Variants in RBM14 observed in about 807,000 individuals in gnomAD.
The protein encoded by RBM14 is RNA-binding protein 14.
In RBM14, 5 loss-of-function variants were observed where a neutral mutation model predicts 52.8. That is an observed-to-expected ratio of 0.09 (90% CI 0.05 to 0.20). The LOEUF is 0.20. RBM14 is among the 10% of genes least tolerant of loss of function. The pLI, the probability that RBM14 is intolerant of heterozygous loss-of-function variation, is 1.00. For synonymous variants in RBM14, 411 were observed against 401.8 expected, an observed-to-expected ratio of 1.02 and a Z score of -0.28; for missense variants, 780 against 926.6, an observed-to-expected ratio of 0.84 and a Z score of 2.05.
chr11:66,621,338 G>C (rs1269533849), intron 1 of RBM14, among the ~76,000 whole-genome samples: 1 of 152,084 alleles, frequency 6.6e-6, no homozygotes, highest in Admixed American at 6.6e-5. Context: ...TAAGGCTCTG[G>C]CCATGGGAGT....
Position 66,629,437 on chromosome 11 carries a change from G to C in RBM14, c.*2769G>C, listed in dbSNP as rs1247562385. Among the ~76,000 whole-genome samples the C allele has an allele frequency of 6.6e-6, 1 of 152,144 alleles. No individual in the cohort carries two copies. Among genetic ancestry groups the C allele is most frequent in the Non-Finnish European group, 1.5e-5 (1 of 68,036 alleles). ...GGGCTTGAGACTCTCTTGTAATGGA[G>C]GTAATGGGACTATCACTGAGGGGTT... On this transcript the variant is annotated 3_prime_UTR_variant, in exon 3 of 3. Transcript: ENST00000310137.
At chr11:66,618,153 A>T (rs1858931133) in intron 1 of RBM14, among the ~76,000 whole-genome samples, 1 of 152,218 alleles carries the variant, frequency 6.6e-6, no homozygotes, top group African/African-American at 2.4e-5. Flanking sequence ...TTGGTGGGAC[A>T]GCCGTTGTGT....
At position 66,624,587 on chromosome 11, in the gene RBM14, C is replaced by T. The variant is rs1187667422; in HGVS notation, c.711C>T (p.Tyr237=). The change falls in exon 2 of 3, where the codon TAC becomes TAT. Residue 237 remains tyrosine, a synonymous_variant. Transcript: ENST00000310137. The surrounding 1 kb of genome is among the most constrained non-coding windows in gnomAD (Gnocchi z 4.7). ...VAPLTAQPAT[Y]RAQPSVSLGA... ...CTCTGACGGCCCAGCCAGCTACCTA[C>T]CGGGCCCAGCCGTCCGTGTCACTGG... The T allele has an allele frequency of 6.2e-7, 1 of 1,612,024 alleles. No individual in the cohort carries two copies. Among genetic ancestry groups the T allele is most frequent in the Non-Finnish European group, 8.5e-7 (1 of 1,180,010 alleles).
At chr11:66,619,485 A>G (rs1212970737) in intron 1 of RBM14, 1 of 152,218 alleles carries the variant, frequency 6.6e-6, no homozygotes, top group African/African-American at 2.4e-5. Flanking sequence ...AAAAGAGGAA[A>G]ATATCTTCTC....
In RBM14 at chr11:66,626,787, C is replaced by G. The variant is rs1222135508; in HGVS notation, c.*119C>G. 3 of 1,024,914 alleles carry G rather than the reference C, an allele frequency of 2.9e-6. No homozygotes were observed. Among genetic ancestry groups the G allele is most frequent in the Non-Finnish European group, 4.2e-6 (3 of 721,230 alleles). 63.5% of individuals were successfully genotyped at this position (1,024,914 alleles called of 1,614,324 possible). A position where few individuals can be genotyped will look rare whatever the true frequency, so the allele number is the denominator to read the frequency against. ...TCCTGGTTGTGGTTTTTCATGCCCT[C>G]TACCATGTGGGCCTTCCCCAGGAGA... On this transcript the variant is annotated 3_prime_UTR_variant, in exon 3 of 3. Coordinates refer to ENST00000310137, the MANE Select transcript of RBM14 (RefSeq NM_006328.4).
At chr11:66,618,782 C>T (rs1391943915) in intron 1 of RBM14, among the ~76,000 whole-genome samples, 1 of 152,172 alleles carries the variant, frequency 6.6e-6, no homozygotes, top group Non-Finnish European at 1.5e-5. Flanking sequence ...GGAACTCAGG[C>T]TTCTTGCTGG....
chr11:66,616,831 C>T lies in RBM14; in HGVS notation c.111C>T (p.Phe37=), dbSNP rs753477740. The T allele has an allele frequency of 3.8e-5, 61 of 1,612,540 alleles. No individual in the cohort carries two copies. Among genetic ancestry groups the T allele is most frequent in the Non-Finnish European group, 4.9e-5 (58 of 1,179,740 alleles). ...TVMSCAVMKQ[F]AFVHMRENAG... is the part of the protein sequence containing the mutation. Reference sequence around the variant, plus strand: ...TGAGCTGCGCCGTCATGAAACAGTTCGCCTTCGTGCACATGCGCGAGAACG... The same window carrying T: ...TGAGCTGCGCCGTCATGAAACAGTTTGCCTTCGTGCACATGCGCGAGAACG... Residue 37 remains phenylalanine, a synonymous_variant, in exon 1 of 3, where the codon TTC becomes TTT. Coordinates refer to ENST00000310137, the MANE Select transcript of RBM14 (RefSeq NM_006328.4).
rs745594135 is a variant in RBM14 at position 66,625,219 on chromosome 11, C to T, written c.1343C>T (p.Ala448Val). The change falls in exon 2 of 3, where the codon GCC (alanine) becomes GTC (valine). Residue 448 changes from alanine (A) to valine (V), a missense_variant. Coordinates refer to ENST00000310137, the MANE Select transcript of RBM14 (RefSeq NM_006328.4). The surrounding 1 kb of genome is among the most constrained non-coding windows in gnomAD (Gnocchi z 4.2). ...GCTGCCTATGCCAGCCAGCCAGCAG[C>T]CTACGCCGCACAAGCCACTACCCCA... is the stretch of plus-strand genomic sequence containing the variant. ...TAAAYASQPA[A>V]YAAQATTPMA... 6.2e-7 allele frequency: 1 copy of T among 1,611,558 alleles called. No individual in the cohort carries two copies. The highest frequency in any genetic ancestry group is 1.1e-5 in the South Asian group (1 of 91,072).
chr11:66,617,631 C>A, intron 1 of RBM14: 1 of 934,204 alleles, frequency 1.1e-6, no homozygotes, highest in Non-Finnish European at 1.3e-6. Flanking sequence ...CACAGTTACA[C>A]GTGGGTACGA....
rs1374425806 is a variant in RBM14, at chr11:66,625,404, G to A, written c.1528G>A (p.Ala510Thr). The A allele has an allele frequency of 6.2e-7, 1 of 1,613,532 alleles. No individual in the cohort carries two copies. The highest frequency in any genetic ancestry group is 1.7e-5 in the Admixed American group (1 of 60,012). ...AAAAYGAQPSATLAAPYRTQS... is the reference protein window; with the variant it reads ...AAAAYGAQPSTTLAAPYRTQS... ...AGCAGCCTACGGGGCCCAACCTTCT[G>A]CCACCCTGGCAGCTCCTTACCGCAC... The change falls in exon 2 of 3, where the codon GCC becomes ACC. Residue 510 changes from alanine (A) to threonine (T), a missense_variant. Coordinates refer to ENST00000310137, the MANE Select transcript of RBM14 (RefSeq NM_006328.4). This position sits in a 1 kb window ranked among gnomAD's most constrained non-coding sequence, Gnocchi z 4.2.
Position 66,626,520 on chromosome 11 carries a change from A to T in RBM14, c.1862A>T (p.Gln621Leu). 1.2e-6 allele frequency: 2 copies of T among 1,613,984 alleles called. No individual in the cohort carries two copies. The highest frequency in any genetic ancestry group is 1.7e-6 in the Non-Finnish European group (2 of 1,180,030). Reference protein sequence around the residue: ...LSDYRRLSESQLSFRRSPTKS... With the variant: ...LSDYRRLSESLLSFRRSPTKS... Reference sequence around the variant, plus strand: ...GATTACCGCCGTTTATCAGAGTCGCAGCTTTCGTTCCGCCGCTCGCCGACA... The same window carrying T: ...GATTACCGCCGTTTATCAGAGTCGCTGCTTTCGTTCCGCCGCTCGCCGACA... The change falls in exon 3 of 3, where the codon CAG becomes CTG. Residue 621 changes from glutamine (Q) to leucine (L), a missense_variant. Physicochemically the swap from Gln to Leu is moderately radical, Grantham distance 113. Coordinates refer to ENST00000310137, the MANE Select transcript of RBM14 (RefSeq NM_006328.4).
intron 1 of RBM14, among the ~76,000 whole-genome samples, chr11:66,618,181 T>G (rs1447962333): frequency 6.6e-6 from 1 of 152,202 alleles, no homozygotes; most frequent in Non-Finnish European, 1.5e-5. Context: ...CAGTCTCTGC[T>G]CCACTTGGGA....
Position 66,624,090 on chromosome 11 carries a change from G to T in RBM14, c.338-124G>T. The T allele has an allele frequency of 6.7e-7, 1 of 1,481,566 alleles. No individual in the cohort carries two copies. Among genetic ancestry groups the T allele is most frequent in the East Asian group, 2.3e-5 (1 of 43,562 alleles). The allele number at this position is 1,481,566 out of a possible 1,614,324, so 91.8% of individuals were successfully genotyped here. ...CATTTTATGACATACTCCTGGAGAG[G>T]AGGGTTTGGAGGCCTTGGAGGTAGC... On this transcript the variant is annotated intron_variant, in intron 1 of 2. Transcript: ENST00000310137. The surrounding 1 kb of genome is among the most constrained non-coding windows in gnomAD (Gnocchi z 4.7).
In RBM14 at chr11:66,624,221, G is replaced by A. The variant is rs781015762; in HGVS notation, c.345G>A (p.Ala115=). The A allele has an allele frequency of 1.7e-5, 27 of 1,587,132 alleles. No individual in the cohort carries two copies. Among genetic ancestry groups the A allele is most frequent in the South Asian group, 3.4e-5 (3 of 87,854 alleles). Residue 115 remains alanine, a synonymous_variant, in exon 2 of 3, where the codon GCG becomes GCA. Coordinates refer to ENST00000310137, the MANE Select transcript of RBM14 (RefSeq NM_006328.4). This position sits in a 1 kb window ranked among gnomAD's most constrained non-coding sequence, Gnocchi z 4.7. ...VIECDVVKDY[A]FVHMEKEADA... ...TGTCTGCTGCTTTATCAGACTACGC[G>A]TTTGTTCACATGGAGAAGGAAGCAG...
rs751384716 is a variant in RBM14 at position 66,616,711 on chromosome 11, C to T, written c.-10C>T. ...TCCGGGCTCTCCAGGAAGGTGGCTG[C>T]GGCGACAAAATGAAGATATTCGTGG... On this transcript the variant is annotated 5_prime_UTR_variant, in exon 1 of 3. Transcript: ENST00000310137. 6 of 1,584,512 alleles carry T rather than the reference C, an allele frequency of 3.8e-6. No individual in the cohort carries two copies. The African/African-American group carries it at 4.0e-5, about 11-fold the overall frequency.
Position 66,624,599 on chromosome 11 carries a change from G to T in RBM14, c.723G>T (p.Pro241=), listed in dbSNP as rs149760892. The T allele has an allele frequency of 6.2e-7, 1 of 1,612,088 alleles. No individual in the cohort carries two copies. The highest frequency in any genetic ancestry group is 1.3e-5 in the African/African-American group (1 of 74,890). ...AGCCAGCTACCTACCGGGCCCAGCC[G>T]TCCGTGTCACTGGGAGCTGCCTACA... is the stretch of plus-strand genomic sequence containing the variant. ...TAQPATYRAQ[P]SVSLGAAYRA... Residue 241 remains proline, a synonymous_variant, in exon 2 of 3, where the codon CCG becomes CCT. Coordinates refer to ENST00000310137, the MANE Select transcript of RBM14 (RefSeq NM_006328.4). The surrounding 1 kb of genome is among the most constrained non-coding windows in gnomAD (Gnocchi z 4.7).
rs1043014281 is a variant in RBM14 at position 66,627,120 on chromosome 11, G to C, written c.*452G>C. On this transcript the variant is annotated 3_prime_UTR_variant, in exon 3 of 3. Coordinates refer to ENST00000310137, the MANE Select transcript of RBM14 (RefSeq NM_006328.4). ...TGTGCCAAGCTGTGCCAGCAGTCCA[G>C]GGTACCCTGACTGTCCCTCTGTAGA... The C allele has an allele frequency of 1.9e-5, 3 of 161,698 alleles. No individual in the cohort carries two copies. The highest frequency in any genetic ancestry group is 7.2e-5 in the African/African-American group (3 of 41,482). The allele number at this position is 161,698 out of a possible 1,614,324, so 10.0% of individuals were successfully genotyped here. A position where few individuals can be genotyped will look rare whatever the true frequency, so the allele number is the denominator to read the frequency against.
chr11:66,620,306 T>C (rs1165330672), intron 1 of RBM14, among the ~76,000 whole-genome samples: 1 of 152,036 alleles, frequency 6.6e-6, no homozygotes, highest in African/African-American at 2.4e-5. Flanking sequence ...GTTATTTATA[T>C]ATTTATTATT....
rs894010706 is a variant in RBM14, at chr11:66,625,692, C to G, written c.1802+14C>G. 12 of 1,563,006 alleles carry G rather than the reference C, an allele frequency of 7.7e-6. No individual in the cohort carries two copies. Among genetic ancestry groups the G allele is most frequent in the Non-Finnish European group, 9.6e-6 (11 of 1,151,474 alleles). On this transcript the variant is annotated intron_variant, in intron 2 of 2. Transcript: ENST00000310137. This position sits in a 1 kb window ranked among gnomAD's most constrained non-coding sequence, Gnocchi z 4.2. Reference sequence around the variant, plus strand: ...CATGTCGAAAAGGTACTGTATGCCCCCCCGCCTCTGCCCCCAGCTGGGGCT... The same window carrying G: ...CATGTCGAAAAGGTACTGTATGCCCGCCCGCCTCTGCCCCCAGCTGGGGCT...
Sources: allele counts gnomAD v4.1 joint callset (sites outside exome capture counted in the v4.1 genomes callset), GRCh38; gene constraint gnomAD v4.1.1; non-coding constraint Gnocchi (gnomAD v3.1); transcripts MANE v1.5; gene names NCBI Gene and HGNC (gene_info 2026-07-23, HGNC 2026-07-21).